ARHGAP44: variants seen among roughly 807,000 people sequenced by gnomAD.
The protein encoded by ARHGAP44 is rho GTPase-activating protein 44.
In ARHGAP44, 43 loss-of-function variants were observed where a neutral mutation model predicts 106.8. The observed-to-expected ratio is 0.40, with a 90% CI of 0.32 to 0.52. The LOEUF is 0.52. Ranked by LOEUF, ARHGAP44 falls within the 20% of genes least tolerant of loss-of-function variation. The pLI is 0.48. For synonymous variants in ARHGAP44, 439 were observed against 410.3 expected (o/e 1.07, Z -0.85); for missense variants, 866 against 1,050.5 (o/e 0.82, Z 2.43).
intron 1 of ARHGAP44, among the ~76,000 whole-genome samples, chr17:12,856,254 AG>A (rs1415566811): frequency 6.6e-6 from 1 of 152,072 alleles, no homozygotes; most frequent in Non-Finnish European, 1.5e-5. Flanking sequence ...TTAAAATCCC[AG>A]GGGAATCTAG....
chr17:12,909,754 A>G (rs2037669256), intron 4 of ARHGAP44, among the ~76,000 whole-genome samples: 1 of 152,178 alleles, frequency 6.6e-6, no homozygotes, highest in African/African-American at 2.4e-5. Flanking sequence ...GAGGAAGAAA[A>G]TAGGGAGAAA....
At position 12,896,409 on chromosome 17, in the gene ARHGAP44, G is replaced by A. The variant is rs780194876; in HGVS notation, c.96G>A (p.Val32=). The A allele has an allele frequency of 1.3e-6, 2 of 1,596,168 alleles. No homozygotes were observed. The highest frequency in any genetic ancestry group is 1.1e-5 in the South Asian group (1 of 87,494). The change falls in exon 3 of 21, where the codon GTG becomes GTA. Residue 32 remains valine, a splice_region_variant and synonymous_variant. Coordinates refer to ENST00000379672, the MANE Select transcript of ARHGAP44 (RefSeq NM_014859.6). ...TEVLSEDLLQ[V]EKRLELVKQV... Reference sequence around the variant, plus strand: ...ACCACCCGCTCTTCTCTCTGCAGGTGGAGAAGCGTCTGGAGCTGGTGAAAC... The same window carrying A: ...ACCACCCGCTCTTCTCTCTGCAGGTAGAGAAGCGTCTGGAGCTGGTGAAAC...
intron 5 of ARHGAP44, 140 bp from the exon 6 acceptor site, chr17:12,919,615 A>G (rs2038016974): frequency 1.8e-6 from 1 of 567,184 alleles, no homozygotes; most frequent in East Asian, 3.5e-5. Context: ...CGAACTCCTG[A>G]CCTCAGGTGA....
At chr17:12,845,276 G>A (rs554147747) in intron 1 of ARHGAP44, among the ~76,000 whole-genome samples, 22 of 152,090 alleles carry the variant, frequency 1.4e-4, no homozygotes, top group African/African-American at 4.6e-4. Context: ...TTGGGAGGCT[G>A]AGGTGGGTGG....
intron 1 of ARHGAP44, among the ~76,000 whole-genome samples, chr17:12,851,727 G>A (rs1255315444): frequency 1.3e-5 from 2 of 152,082 alleles, no homozygotes; most frequent in Non-Finnish European, 2.9e-5. Flanking sequence ...GAGCCACTGC[G>A]CCTGGCCTGT....
At chr17:12,798,200 C>T (rs1462881691) in intron 1 of ARHGAP44, among the ~76,000 whole-genome samples, 1 of 151,992 alleles carries the variant, frequency 6.6e-6, no homozygotes, top group African/African-American at 2.4e-5. Flanking sequence ...TATTTTCTCA[C>T]CTAATTGCAT....
intron 19 of ARHGAP44, among the ~76,000 whole-genome samples, chr17:12,981,292 T>G (rs1449122479): frequency 6.6e-6 from 1 of 152,102 alleles, no homozygotes; most frequent in Admixed American, 6.5e-5. Flanking sequence ...ATCGTGAAGG[T>G]TGAATAGGAG....
rs747998800 is a variant in ARHGAP44, at chr17:12,928,988, A to G, written c.524A>G (p.Lys175Arg). 6 of 1,613,522 alleles carry G rather than the reference A, an allele frequency of 3.7e-6. No homozygotes were observed. Among genetic ancestry groups the G allele is most frequent in the Non-Finnish European group, 5.1e-6 (6 of 1,179,774 alleles). The change falls in exon 7 of 21, where the codon AAG becomes AGG. Residue 175 changes from lysine (K) to arginine (R), a missense_variant. Physicochemically the swap from Lys to Arg is conservative, Grantham distance 26. Around this residue, in one of 2 missense-constraint regions of ARHGAP44, gnomAD observed 448 missense variants for 646.9 expected, o/e 0.69. Coordinates refer to ENST00000379672, the MANE Select transcript of ARHGAP44 (RefSeq NM_014859.6). Reference sequence around the variant, plus strand: ...AGCAGCTTACAGCCTGCGGGTGCCAAGGCTGATGCCCTCAGGGAAGAAATG... The same window carrying G: ...AGCAGCTTACAGCCTGCGGGTGCCAGGGCTGATGCCCTCAGGGAAGAAATG... Reference protein sequence around the residue: ...LSSSLQPAGAKADALREEMEE... With the variant: ...LSSSLQPAGARADALREEMEE...
chr17:12,806,028 C>T (rs2034263764), intron 1 of ARHGAP44, among the ~76,000 whole-genome samples: 1 of 152,182 alleles, frequency 6.6e-6, no homozygotes, highest in Non-Finnish European at 1.5e-5. Context: ...GGCCATCTGA[C>T]AGCATTTCTA....
chr17:12,808,361 G>T (rs904307397), intron 1 of ARHGAP44, among the ~76,000 whole-genome samples: 3 of 152,240 alleles, frequency 2.0e-5, no homozygotes, highest in African/African-American at 7.2e-5. Flanking sequence ...CTTCCATACT[G>T]CCCTAGCAGA....
At chr17:12,885,119 T>C (rs2036845010) in intron 1 of ARHGAP44, among the ~76,000 whole-genome samples, 1 of 152,190 alleles carries the variant, frequency 6.6e-6, no homozygotes, top group Non-Finnish European at 1.5e-5. Context: ...CAGGTTGGTC[T>C]CGAACTCCTG....
chr17:12,865,479 A>G lies in ARHGAP44; in HGVS notation c.54-29461A>G, dbSNP rs147401286. Among the ~76,000 whole-genome samples, 7 of 152,250 alleles carry G rather than the reference A, an allele frequency of 4.6e-5. No individual in the cohort carries two copies. In the East Asian group the frequency reaches 1.4e-3, roughly 29 times the overall value. On this transcript the variant is annotated intron_variant, in intron 1 of 20. Coordinates refer to ENST00000379672, the MANE Select transcript of ARHGAP44 (RefSeq NM_014859.6). ...CATCAGTAGAAATCTCAACAAGCCG[A>G]AAGGTAAGAGGTCAGAAATCAGTAG... is the stretch of plus-strand genomic sequence containing the variant.
chr17:12,976,600 G>A (rs915045008), intron 18 of ARHGAP44, among the ~76,000 whole-genome samples: 5 of 132,184 alleles, frequency 3.8e-5, no homozygotes, highest in African/African-American at 1.5e-4. Context: ...GTGACAGAGC[G>A]AGACTCTGTG....
At chr17:12,799,640 T>C (rs1018680700) in intron 1 of ARHGAP44, among the ~76,000 whole-genome samples, 1 of 152,174 alleles carries the variant, frequency 6.6e-6, no homozygotes, top group Non-Finnish European at 1.5e-5. Context: ...CCACTGCTCA[T>C]GACTGTCTTT....
chr17:12,848,720 C>A (rs28478503), intron 1 of ARHGAP44, among the ~76,000 whole-genome samples: 9 of 152,058 alleles, frequency 5.9e-5, no homozygotes, highest in South Asian at 4.1e-4. Context: ...CAGTATCATA[C>A]ATTCCTGGAA....
At chr17:12,791,427 G>C (rs978726448) in intron 1 of ARHGAP44, among the ~76,000 whole-genome samples, 9 of 152,190 alleles carry the variant, frequency 5.9e-5, no homozygotes, top group Admixed American at 3.9e-4. Context: ...TCACCCTGCA[G>C]GCGGGCATTG....
chr17:12,797,207 T>A (rs887888044), intron 1 of ARHGAP44, among the ~76,000 whole-genome samples: 8 of 152,184 alleles, frequency 5.3e-5, no homozygotes, highest in Non-Finnish European at 1.0e-4. Flanking sequence ...GGGGATACTT[T>A]GCCCAGATGC....
chr17:12,960,207 A>G (rs896045831), intron 16 of ARHGAP44, among the ~76,000 whole-genome samples: 4 of 152,236 alleles, frequency 2.6e-5, no homozygotes, highest in African/African-American at 4.8e-5. Context: ...GAGAAAGAAA[A>G]AAAAAGGAAA....
At chr17:12,905,684 C>T (rs2037525600) in intron 3 of ARHGAP44, among the ~76,000 whole-genome samples, 1 of 152,216 alleles carries the variant, frequency 6.6e-6, no homozygotes, top group South Asian at 2.1e-4. Flanking sequence ...AGGATGTCAA[C>T]TCTTGGACTA....
Sources: gnomAD v4.1 joint callset for allele counts (sites outside exome capture counted in the v4.1 genomes callset) on GRCh38, gnomAD v4.1.1 for gene constraint, gnomAD v4.1.1 regional missense constraint, MANE v1.5 for transcripts, NCBI Gene and HGNC (gene_info 2026-07-23, HGNC 2026-07-21) for gene names.